ARHGEF10L: variants seen among roughly 807,000 people sequenced by gnomAD.
The protein encoded by ARHGEF10L is rho guanine nucleotide exchange factor 10-like protein.
Under a neutral mutation model 141.2 loss-of-function variants are expected in ARHGEF10L, and 69 were observed. The observed-to-expected ratio is 0.49, with a 90% CI of 0.40 to 0.60. The LOEUF is 0.60. Among genes scored for constraint, ARHGEF10L ranks in the 20% least tolerant of loss-of-function variants. The probability of loss-of-function intolerance (pLI) is 0.00; values close to 1 mark genes in which losing one functional copy is unlikely to be tolerated. For missense variants in ARHGEF10L, 1,482 were observed against 1,734.3 expected (o/e 0.85, Z 2.58); for synonymous variants, 711 against 718.5 (o/e 0.99, Z 0.17).
intron 10 of ARHGEF10L, among the ~76,000 whole-genome samples, chr1:17,620,159 C>T (rs576795715): frequency 2.9e-4 from 43 of 150,454 alleles, no homozygotes; most frequent in Admixed American, 7.3e-4. Flanking sequence ...GCCGAGATCG[C>T]GCCACTGCAC....
At chr1:17,559,022 A>T (rs540219496) in intron 1 of ARHGEF10L, among the ~76,000 whole-genome samples, 1 of 152,104 alleles carries the variant, frequency 6.6e-6, no homozygotes, top group Non-Finnish European at 1.5e-5. Context: ...GCCCGGCCTC[A>T]GTTGGGGTGT....
In ARHGEF10L at chr1:17,639,888, C is replaced by G; in HGVS notation, c.2172-314C>G. ...GACCTGTGGACAGCTGACCGCTGAC[C>G]AGGTGGAGTCACAGCCTGCAGAGGC... On this transcript the variant is annotated intron_variant, in intron 20 of 28. Coordinates refer to ENST00000361221, the MANE Select transcript of ARHGEF10L (RefSeq NM_018125.4). The surrounding 1 kb of genome is among the most constrained non-coding windows in gnomAD (Gnocchi z 4.3). 2 of 1,419,162 alleles carry G rather than the reference C, an allele frequency of 1.4e-6. No individual in the cohort carries two copies. The highest frequency in any genetic ancestry group is 1.2e-5 in the South Asian group (1 of 82,192). The allele number at this position is 1,419,162 out of a possible 1,614,324, so 87.9% of individuals were successfully genotyped here. A position where few individuals can be genotyped will look rare whatever the true frequency, so the allele number is the denominator to read the frequency against.
intron 9 of ARHGEF10L, chr1:17,618,651 T>A: frequency 3.0e-6 from 2 of 671,972 alleles, no homozygotes; most frequent in Non-Finnish European, 4.5e-6. Context: ...TCAGAGCCAT[T>A]CAGCAGCTGG....
At chr1:17,586,867 A>C (rs1004702101) in intron 2 of ARHGEF10L, among the ~76,000 whole-genome samples, 9 of 152,036 alleles carry the variant, frequency 5.9e-5, no homozygotes. Flanking sequence ...AGGAGGGTAA[A>C]AGCAGGGAAT....
intron 2 of ARHGEF10L, among the ~76,000 whole-genome samples, chr1:17,581,645 ATGT>A (rs1327087797): frequency 6.6e-6 from 1 of 152,166 alleles, no homozygotes; most frequent in Non-Finnish European, 1.5e-5. Context: ...GTTAAGTGAC[ATGT>A]TGTCTCTGTG....
chr1:17,583,223 A>AG (rs1553178884), intron 2 of ARHGEF10L, among the ~76,000 whole-genome samples: 5 of 147,404 alleles, frequency 3.4e-5, no homozygotes, highest in South Asian at 2.2e-4. Context: ...AAAAAAAAAA[A>AG]GAAGGTGTAG....
At chr1:17,521,165 T>C in the ARHGEF10L span, among the ~76,000 whole-genome samples, 1 of 152,154 alleles carries the variant, frequency 6.6e-6, no homozygotes, top group Non-Finnish European at 1.5e-5. Context: ...CTTGACTATC[T>C]CCGGGAATGG....
Position 17,615,876 on chromosome 1 carries a change from C to A in ARHGEF10L, c.727-218C>A. 3.7e-6 allele frequency: 2 copies of A among 535,712 alleles called. No individual in the cohort carries two copies. Among genetic ancestry groups the A allele is most frequent in the Non-Finnish European group, 6.8e-6 (2 of 292,024 alleles). 33.2% of individuals were successfully genotyped at this position (535,712 alleles called of 1,614,324 possible). ...TAGTCTGTCCTGAAAGGAAAAAAATCGGTTACAGCCTCCTGTTGCCCCTAA... is the reference window on the plus strand; with the variant it reads ...TAGTCTGTCCTGAAAGGAAAAAAATAGGTTACAGCCTCCTGTTGCCCCTAA... On this transcript the variant is annotated intron_variant, in intron 8 of 28. Transcript: ENST00000361221. The surrounding 1 kb of genome is among the most constrained non-coding windows in gnomAD (Gnocchi z 4.7).
chr1:17,514,638 C>T, the ARHGEF10L span, among the ~76,000 whole-genome samples: 4 of 152,210 alleles, frequency 2.6e-5, no homozygotes, highest in Non-Finnish European at 4.4e-5. Flanking sequence ...TATGGAATCA[C>T]TTCCACTCTG....
At chr1:17,576,262 C>A (rs1429826161) in intron 1 of ARHGEF10L, among the ~76,000 whole-genome samples, 1 of 152,076 alleles carries the variant, frequency 6.6e-6, no homozygotes, top group East Asian at 1.9e-4. Flanking sequence ...GACTTTGAAC[C>A]CTAGTGGGAG....
the ARHGEF10L span, among the ~76,000 whole-genome samples, chr1:17,529,294 C>T: frequency 1.3e-5 from 2 of 152,216 alleles, no homozygotes; most frequent in Non-Finnish European, 2.9e-5. Flanking sequence ...CGAGTCACCA[C>T]ATCCGGCCAA....
chr1:17,622,797 G>C (rs545481400), intron 11 of ARHGEF10L, among the ~76,000 whole-genome samples, 199 bp from the exon 12 acceptor site: 1 of 152,158 alleles, frequency 6.6e-6, no homozygotes, highest in South Asian at 2.1e-4. Context: ...GAAGCATGGG[G>C]GTGTTGTGTG....
rs148969144 is a variant in ARHGEF10L at position 17,603,688 on chromosome 1, C to T, written c.433+97C>T. 2,912 of 1,119,768 alleles carry T rather than the reference C, an allele frequency of 2.6e-3. 51 individuals are homozygous for T. The African/African-American group carries it at 0.04, about 15-fold the overall frequency. The allele number at this position is 1,119,768 out of a possible 1,614,324, so 69.4% of individuals were successfully genotyped here. ...CTCTTTCCGTTTCCTTCTGTCCCCACCTGGCCAAGTGCCCCTCCTTCTTGT... is the reference window on the plus strand; with the variant it reads ...CTCTTTCCGTTTCCTTCTGTCCCCATCTGGCCAAGTGCCCCTCCTTCTTGT... On this transcript the variant is annotated intron_variant, in intron 6 of 28. Coordinates refer to ENST00000361221, the MANE Select transcript of ARHGEF10L (RefSeq NM_018125.4). The surrounding 1 kb of genome is among the most constrained non-coding windows in gnomAD (Gnocchi z 4.8).
At chr1:17,652,379 G>A (rs1041879058) in intron 22 of ARHGEF10L, among the ~76,000 whole-genome samples, 1 of 152,170 alleles carries the variant, frequency 6.6e-6, no homozygotes, top group African/African-American at 2.4e-5. Context: ...CTTGGATTGA[G>A]TCCCAACAGT....
At chr1:17,569,723 G>C (rs1378916233) in intron 1 of ARHGEF10L, among the ~76,000 whole-genome samples, 1 of 152,188 alleles carries the variant, frequency 6.6e-6, no homozygotes, top group Non-Finnish European at 1.5e-5. Context: ...ATAGACGCCA[G>C]GGTCTCACAC....
At chr1:17,597,597 C>T (rs1237857046) in intron 4 of ARHGEF10L, among the ~76,000 whole-genome samples, 1 of 152,230 alleles carries the variant, frequency 6.6e-6, no homozygotes, top group Non-Finnish European at 1.5e-5. Context: ...GGAACACCTG[C>T]TCCAGTCTAG....
intron 1 of ARHGEF10L, among the ~76,000 whole-genome samples, chr1:17,553,066 C>A (rs1160682245): frequency 6.6e-6 from 1 of 152,216 alleles, no homozygotes; most frequent in Non-Finnish European, 1.5e-5. Flanking sequence ...TGGGCCTCAG[C>A]CCCTGGCTCA....
At chr1:17,551,577 G>C (rs2077114341) in intron 1 of ARHGEF10L, among the ~76,000 whole-genome samples, 1 of 152,250 alleles carries the variant, frequency 6.6e-6, no homozygotes, top group South Asian at 2.1e-4. Context: ...TCAAGCTAGG[G>C]GATGACGGGA....
At chr1:17,642,865 C>T (rs886858504) in intron 21 of ARHGEF10L, among the ~76,000 whole-genome samples, 2 of 152,202 alleles carry the variant, frequency 1.3e-5, no homozygotes, top group African/African-American at 4.8e-5. Context: ...GCCCGAGCCC[C>T]ATGTTACACC....
Sources: allele counts gnomAD v4.1 joint callset (sites outside exome capture counted in the v4.1 genomes callset), GRCh38; gene constraint gnomAD v4.1.1; non-coding constraint Gnocchi (gnomAD v3.1); transcripts MANE v1.5; gene names NCBI Gene and HGNC (gene_info 2026-07-23, HGNC 2026-07-21).